ASCC3: variants seen among roughly 807,000 people sequenced by gnomAD.
The protein encoded by ASCC3 is ASC-1 complex subunit P200.
ASCC3 carries 158 observed loss-of-function variants against 256.3 expected under a neutral mutation model. The ratio of observed to expected loss-of-function variants is 0.62; its 90% CI spans 0.54 to 0.70. The LOEUF is 0.70. Ranked by LOEUF, ASCC3 falls within the 30% of genes least tolerant of loss-of-function variation. ASCC3 has a pLI of 0.00. For missense variants in ASCC3, 2,259 were observed against 2,626.0 expected (o/e 0.86, Z 3.05); for synonymous variants, 948 against 883.4 (o/e 1.07, Z -1.30).
chr6:100,583,492 G>T (rs930789311), intron 36 of ASCC3, among the ~76,000 whole-genome samples: 2 of 151,836 alleles, frequency 1.3e-5, no homozygotes, highest in African/African-American at 4.8e-5. Flanking sequence ...TTCTTTATTA[G>T]TCTTGCTAGT....
At chr6:100,552,446 T>C (rs1023679704) in intron 36 of ASCC3, among the ~76,000 whole-genome samples, 1 of 152,022 alleles carries the variant, frequency 6.6e-6, no homozygotes, top group African/African-American at 2.4e-5. Flanking sequence ...ATTGAAAATA[T>C]TGGTTCTTTG....
chr6:100,605,438 T>C (rs768731917), intron 33 of ASCC3, 130 bp downstream of exon 33: 251 of 699,674 alleles, frequency 3.6e-4, no homozygotes, highest in Admixed American at 8.4e-4. Flanking sequence ...GTGATAATTA[T>C]ATTGTTTCAC....
intron 4 of ASCC3, among the ~76,000 whole-genome samples, chr6:100,824,931 G>A (rs1341051865): frequency 6.6e-6 from 1 of 151,730 alleles, no homozygotes; most frequent in Non-Finnish European, 1.5e-5. Context: ...AGCTTAATGT[G>A]AATAAAAAAT....
chr6:100,724,193 C>G (rs1159246197), intron 11 of ASCC3, among the ~76,000 whole-genome samples: 1 of 142,086 alleles, frequency 7.0e-6, no homozygotes, highest in Admixed American at 7.1e-5. Context: ...GTAACCAGGA[C>G]AGGGTGGGAT....
chr6:100,684,282 A>C (rs1461685109), intron 13 of ASCC3, among the ~76,000 whole-genome samples: 2 of 152,210 alleles, frequency 1.3e-5, no homozygotes, highest in African/African-American at 4.8e-5. Context: ...TCACAGGATT[A>C]CTATAAGAAT....
At chr6:100,843,446 G>A (rs1772243720) in intron 4 of ASCC3, among the ~76,000 whole-genome samples, 1 of 152,022 alleles carries the variant, frequency 6.6e-6, no homozygotes, top group Non-Finnish European at 1.5e-5. Context: ...AGCAAACTAC[G>A]GTTGTATCAA....
chr6:100,599,610 A>G (rs1282605924), intron 34 of ASCC3, among the ~76,000 whole-genome samples: 1 of 152,026 alleles, frequency 6.6e-6, no homozygotes, highest in Non-Finnish European at 1.5e-5. Context: ...TGAAGGGTAT[A>G]CAGTGCTGCT....
intron 37 of ASCC3, among the ~76,000 whole-genome samples, chr6:100,527,573 G>GC (rs1456309785): frequency 6.6e-6 from 1 of 152,054 alleles, no homozygotes; most frequent in Non-Finnish European, 1.5e-5. Flanking sequence ...TGAGCTTAGT[G>GC]CATCTATACG....
chr6:100,715,653 G>C, intron 12 of ASCC3, 120 bp from the exon 13 acceptor site: 1 of 716,896 alleles, frequency 1.4e-6, no homozygotes, highest in East Asian at 2.8e-5. Flanking sequence ...AGAATGCAGA[G>C]GTATCAAATA....
At chr6:100,588,694 T>C (rs571212404) in intron 36 of ASCC3, among the ~76,000 whole-genome samples, 14 of 152,228 alleles carry the variant, frequency 9.2e-5, no homozygotes, top group African/African-American at 3.1e-4. Flanking sequence ...TACATGGCAC[T>C]ATGCTGGGCA....
chr6:100,777,841 G>A (rs1460833964), intron 8 of ASCC3, among the ~76,000 whole-genome samples: 1 of 152,056 alleles, frequency 6.6e-6, no homozygotes, highest in East Asian at 1.9e-4. Context: ...TTGGATTTTT[G>A]TTCTCAACAC....
intron 30 of ASCC3, 70 bp from the exon 31 acceptor site, chr6:100,607,158 C>A: frequency 6.7e-7 from 1 of 1,489,454 alleles, no homozygotes; most frequent in Non-Finnish European, 9.3e-7. Flanking sequence ...TTTCATGTTT[C>A]AAAAAACATT....
At chr6:100,531,739 C>G (rs113457055) in intron 37 of ASCC3, among the ~76,000 whole-genome samples, 1 of 152,048 alleles carries the variant, frequency 6.6e-6, no homozygotes, top group Non-Finnish European at 1.5e-5. Flanking sequence ...CAGAACTAGT[C>G]TGCGCTTACC....
At chr6:100,706,001 A>ATC (rs145342390) in intron 13 of ASCC3, among the ~76,000 whole-genome samples, 1 of 151,832 alleles carries the variant, frequency 6.6e-6, no homozygotes, top group Admixed American at 6.6e-5. Context: ...CCAGAAGCAA[A>ATC]TCTCTCTCTC....
At chr6:100,662,071 A>T in intron 15 of ASCC3, 41 bp from the exon 16 acceptor site, 2 of 1,554,476 alleles carry the variant, frequency 1.3e-6, no homozygotes, top group Non-Finnish European at 1.8e-6. Flanking sequence ...ATAAACACAC[A>T]CAAATATAAT....
chr6:100,757,614 T>C (rs984575263), intron 10 of ASCC3, among the ~76,000 whole-genome samples: 1 of 152,202 alleles, frequency 6.6e-6, no homozygotes, highest in Non-Finnish European at 1.5e-5. Context: ...GACTATCTTA[T>C]AATTTTAAGT....
At chr6:100,623,926 T>G (rs1373754704) in intron 30 of ASCC3, among the ~76,000 whole-genome samples, 17 of 144,252 alleles carry the variant, frequency 1.2e-4, no homozygotes, top group African/African-American at 2.4e-4. Flanking sequence ...TGAGAACACA[T>G]GGACACAGGA....
At chr6:100,709,421 A>G (rs532767033) in intron 13 of ASCC3, among the ~76,000 whole-genome samples, 39 of 152,280 alleles carry the variant, frequency 2.6e-4, no homozygotes, top group Middle Eastern at 6.8e-3. Flanking sequence ...TTATCAACAC[A>G]AACACCTGCA....
chr6:100,734,801 G>A (rs1780072095), intron 10 of ASCC3, among the ~76,000 whole-genome samples: 2 of 152,070 alleles, frequency 1.3e-5, no homozygotes, highest in Admixed American at 1.3e-4. Context: ...TGTCTACACT[G>A]GCTTAATTAC....
Sources: allele counts gnomAD v4.1 joint callset (sites outside exome capture counted in the v4.1 genomes callset), GRCh38; gene constraint gnomAD v4.1.1; transcripts MANE v1.5; gene names NCBI Gene and HGNC (gene_info 2026-07-23, HGNC 2026-07-21).